The following PCDHA5 variants were observed in gnomAD, a reference collection of about 807,000 sequenced individuals.
The protein encoded by PCDHA5 is protocadherin alpha 5.
A neutral mutation model predicts 61.6 loss-of-function variants in PCDHA5; 43 were observed. The observed-to-expected ratio is 0.70, with a 90% CI of 0.55 to 0.90. The LOEUF (loss-of-function observed/expected upper bound fraction) is 0.90, where lower values mean the gene tolerates loss of function less well. PCDHA5 is among the 40% of genes least tolerant of loss of function. The pLI is 0.00. For synonymous variants in PCDHA5, 627 were observed against 543.9 expected (o/e 1.15, Z -2.13); for missense variants, 1,298 against 1,222.7 (o/e 1.06, Z -0.92).
rs1411970319 is a variant in PCDHA5, at chr5:140,927,470, G to A, written c.2353-51479G>A. The A allele has an allele frequency of 4.3e-6, 7 of 1,614,054 alleles. 1 individual carries two copies. The highest frequency in any genetic ancestry group is 3.3e-5 in the South Asian group (3 of 91,088). ...TTGGTGTTGGAGAAAGCACTGGATC[G>A]CGAACAGCGCGCCACCCACCTGCTG... On this transcript the variant is annotated intron_variant, in intron 1 of 3. Transcript: ENST00000529859.
rs191251073 is a variant in PCDHA5, at chr5:140,928,748, G to A, written c.2353-50201G>A. 503 of 1,614,114 alleles carry A rather than the reference G, an allele frequency of 3.1e-4. 5 individuals carry two copies. The East Asian group carries it at 1.0e-2, about 32-fold the overall frequency. Reference sequence around the variant, plus strand: ...ATTTCAGCCAATATAGGTGAGCTCCGTACTGCTCGCTTAGTTCTTCCCACT... The same window carrying A: ...ATTTCAGCCAATATAGGTGAGCTCCATACTGCTCGCTTAGTTCTTCCCACT... On this transcript the variant is annotated intron_variant, in intron 1 of 3. Transcript: ENST00000529859.
At chr5:140,864,302 C>T (rs550549818) in intron 1 of PCDHA5, 1 of 152,214 alleles carries the variant, frequency 6.6e-6, no homozygotes, top group Non-Finnish European at 1.5e-5. Context: ...TTCAAAAATA[C>T]CATGACAATA....
intron 3 of PCDHA5, 66 bp from the exon 4 acceptor site, chr5:141,009,561 A>C: frequency 6.4e-7 from 1 of 1,571,278 alleles, no homozygotes; most frequent in Non-Finnish European, 8.6e-7. Context: ...CCTGTACTCT[A>C]CCAGCAGTGT....
chr5:140,938,908 C>A (rs1213664574), intron 1 of PCDHA5, among the ~76,000 whole-genome samples: 1 of 152,074 alleles, frequency 6.6e-6, no homozygotes, highest in Non-Finnish European at 1.5e-5. Flanking sequence ...CACACACACA[C>A]ACGCACAAGA....
intron 1 of PCDHA5, chr5:140,849,642 G>C (rs2150443693): frequency 3.8e-6 from 6 of 1,598,700 alleles, no homozygotes; most frequent in Admixed American, 3.4e-5. Flanking sequence ...AGATGCCAAC[G>C]GGCAGGTTAC....
chr5:140,975,216 G>A (rs1349439819), intron 1 of PCDHA5, among the ~76,000 whole-genome samples: 1 of 152,198 alleles, frequency 6.6e-6, no homozygotes, highest in Non-Finnish European at 1.5e-5. Context: ...TGGCACTGGA[G>A]AATCTTCCCT....
At chr5:140,986,005 C>G (rs912493095) in intron 3 of PCDHA5, among the ~76,000 whole-genome samples, 1 of 152,040 alleles carries the variant, frequency 6.6e-6, no homozygotes, top group African/African-American at 2.4e-5. Flanking sequence ...TCCCAAAGTG[C>G]TGGGATTACA....
chr5:140,999,040 G>A (rs1450256691), intron 3 of PCDHA5, among the ~76,000 whole-genome samples: 2 of 152,218 alleles, frequency 1.3e-5, no homozygotes, highest in African/African-American at 2.4e-5. Context: ...TTCGTCCAGT[G>A]TGCTTTCCAC....
intron 1 of PCDHA5, chr5:140,834,610 A>C: frequency 5.0e-6 from 8 of 1,614,064 alleles, no homozygotes; most frequent in Non-Finnish European, 6.8e-6. Context: ...GATCTTCTGG[A>C]GGTAAATCTG....
intron 1 of PCDHA5, among the ~76,000 whole-genome samples, chr5:140,900,791 T>A (rs2068293056): frequency 6.6e-6 from 1 of 152,200 alleles, no homozygotes; most frequent in African/African-American, 2.4e-5. Flanking sequence ...TCCAAACTGT[T>A]CTCCATAGTG....
intron 1 of PCDHA5, chr5:140,865,841 T>C (rs1371165787): frequency 1.3e-5 from 2 of 152,176 alleles, no homozygotes; most frequent in African/African-American, 4.8e-5. Flanking sequence ...CTTTAGTAAG[T>C]CATTTCTCTG....
chr5:140,848,485 G>C (rs1386369016), intron 1 of PCDHA5: 1 of 1,573,026 alleles, frequency 6.4e-7, no homozygotes, highest in Non-Finnish European at 8.7e-7. Flanking sequence ...GAAGAAGACT[G>C]AGTATTTGAA....
chr5:140,958,468 G>T (rs1554223482), intron 1 of PCDHA5, among the ~76,000 whole-genome samples: 6 of 152,040 alleles, frequency 3.9e-5, no homozygotes, highest in Non-Finnish European at 8.8e-5. Flanking sequence ...ACTTCTGCTG[G>T]CTTAAAGAGC....
chr5:140,870,319 T>A, intron 1 of PCDHA5: 1 of 1,614,162 alleles, frequency 6.2e-7, no homozygotes, highest in Non-Finnish European at 8.5e-7. Context: ...TTACTACTCG[T>A]TGGTGCTGGA....
chr5:140,826,634 T>TTA (rs1768995547), intron 1 of PCDHA5, among the ~76,000 whole-genome samples: 4 of 152,118 alleles, frequency 2.6e-5, no homozygotes, highest in Admixed American at 2.6e-4. Flanking sequence ...GCCCTGACTT[T>TTA]TATATGAAGG....
chr5:140,979,006 A>G lies in PCDHA5; in HGVS notation c.2410A>G (p.Ser804Gly), dbSNP rs149397164. ...TGCCTCCCTGAGAGCAGGCATGCAC[A>G]GGTATGTATTTCCCTCCTCATTCAC... ...YSASLRAGMH[S>G]SVHLEEAGIL... Residue 804 changes from serine (S) to glycine (G), a missense_variant and splice_region_variant, in exon 2 of 4, where the codon AGC becomes GGC. Ser to Gly is a moderately conservative substitution (Grantham distance 56). Coordinates refer to ENST00000529859, the MANE Select transcript of PCDHA5 (RefSeq NM_018908.3). The G allele has an allele frequency of 4.3e-6, 7 of 1,614,000 alleles. No individual in the cohort carries two copies. The highest frequency in any genetic ancestry group is 5.1e-6 in the Non-Finnish European group (6 of 1,179,938).
chr5:141,007,494 G>A (rs538537497), intron 3 of PCDHA5, among the ~76,000 whole-genome samples: 20 of 152,150 alleles, frequency 1.3e-4, no homozygotes, highest in African/African-American at 4.8e-4. Flanking sequence ...CTTGGACCTA[G>A]GAGGCAGAGA....
chr5:140,903,290 G>A (rs1554190896), intron 1 of PCDHA5, among the ~76,000 whole-genome samples: 3 of 152,016 alleles, frequency 2.0e-5, no homozygotes, highest in African/African-American at 7.3e-5. Flanking sequence ...TTGTGCATTA[G>A]GAAATTTAGT....
At chr5:140,877,631 C>A (rs1220029307) in intron 1 of PCDHA5, 2 of 1,613,768 alleles carry the variant, frequency 1.2e-6, no homozygotes, top group South Asian at 1.1e-5. Flanking sequence ...CTGTACACTG[C>A]GCTGCGTTGC....
Sources: allele counts gnomAD v4.1 joint callset (sites outside exome capture counted in the v4.1 genomes callset), GRCh38; gene constraint gnomAD v4.1.1; transcripts MANE v1.5; gene names NCBI Gene and HGNC (gene_info 2026-07-23, HGNC 2026-07-21).